STK32B: variants seen among roughly 807,000 people sequenced by gnomAD.
STK32B encodes serine/threonine-protein kinase 32B.
Under a neutral mutation model 52.6 loss-of-function variants are expected in STK32B, and 43 were observed. The observed-to-expected ratio is 0.82, with a 90% CI of 0.64 to 1.05. The LOEUF (loss-of-function observed/expected upper bound fraction) is 1.05, where lower values mean the gene tolerates loss of function less well. Ranked by LOEUF, STK32B falls within the 50% of genes least tolerant of loss-of-function variation. The pLI is 0.00. For missense variants in STK32B, 621 were observed against 534.6 expected (o/e 1.16, Z -1.59); for synonymous variants, 238 against 204.3 (o/e 1.17, Z -1.41).
At chr4:5,132,529 C>T (rs1226108076) in intron 1 of STK32B, among the ~76,000 whole-genome samples, 2 of 152,066 alleles carry the variant, frequency 1.3e-5, no homozygotes, top group Admixed American at 6.5e-5. Context: ...GAAGATGTGA[C>T]AACCAAAGCA....
chr4:5,318,318 C>G (rs1286666381), intron 3 of STK32B, among the ~76,000 whole-genome samples: 1 of 151,980 alleles, frequency 6.6e-6, no homozygotes, highest in Admixed American at 6.6e-5. Context: ...GAAGGCCTGC[C>G]TGGGGAGTTG....
intron 2 of STK32B, among the ~76,000 whole-genome samples, chr4:5,161,157 C>T (rs1718412127): frequency 6.6e-6 from 1 of 152,124 alleles, no homozygotes; most frequent in South Asian, 2.1e-4. Flanking sequence ...ATGGCACGCA[C>T]CTAATACATG....
intron 11 of STK32B, among the ~76,000 whole-genome samples, chr4:5,472,126 G>C (rs1360266907): frequency 6.6e-6 from 1 of 152,240 alleles, no homozygotes; most frequent in African/African-American, 2.4e-5. Context: ...CACTGTGTCA[G>C]CCCTGCAGGA....
At chr4:5,108,922 A>G (rs1164816160) in intron 1 of STK32B, among the ~76,000 whole-genome samples, 3 of 152,222 alleles carry the variant, frequency 2.0e-5, no homozygotes, top group Non-Finnish European at 2.9e-5. Flanking sequence ...TTAGTCTTGA[A>G]TAATGGAAAC....
At chr4:5,318,129 G>C (rs1731237157) in intron 3 of STK32B, among the ~76,000 whole-genome samples, 1 of 152,118 alleles carries the variant, frequency 6.6e-6, no homozygotes, top group Admixed American at 6.5e-5. Flanking sequence ...GCACGCTTGT[G>C]TGAATGCATG....
At chr4:5,375,456 TA>T (rs1253647187) in intron 4 of STK32B, among the ~76,000 whole-genome samples, 17 of 152,358 alleles carry the variant, frequency 1.1e-4, no homozygotes, top group African/African-American at 3.8e-4. Flanking sequence ...TGGGACTTTT[TA>T]CCCTGCTTTC....
intron 3 of STK32B, among the ~76,000 whole-genome samples, chr4:5,212,948 G>A (rs1722992377): frequency 6.6e-6 from 1 of 152,044 alleles, no homozygotes; most frequent in Non-Finnish European, 1.5e-5. Context: ...TGCGCTTTCT[G>A]GTTCTGTCTC....
chr4:5,293,702 G>A (rs974901158), intron 3 of STK32B, among the ~76,000 whole-genome samples: 4 of 151,954 alleles, frequency 2.6e-5, no homozygotes, highest in African/African-American at 9.7e-5. Flanking sequence ...TTTGTCAGAT[G>A]GATAGATTGC....
intron 3 of STK32B, among the ~76,000 whole-genome samples, chr4:5,300,238 A>C (rs981547440): frequency 9.2e-5 from 14 of 152,226 alleles, no homozygotes; most frequent in Admixed American, 3.9e-4. Context: ...ACATCCCTTC[A>C]TGATAAAAAC....
At chr4:5,436,567 C>T (rs2109100009) in intron 6 of STK32B, 1 of 985,272 alleles carries the variant, frequency 1.0e-6, no homozygotes, top group African/African-American at 1.7e-5. Context: ...GGTCCAGAGG[C>T]CCAGCTGGGA....
intron 3 of STK32B, among the ~76,000 whole-genome samples, chr4:5,256,942 A>T (rs553499789): frequency 6.6e-6 from 1 of 152,352 alleles, no homozygotes; most frequent in African/African-American, 2.4e-5. Context: ...CCAGTGAATG[A>T]GTAAGTGGAT....
At chr4:5,240,958 G>T (rs1430987271) in intron 3 of STK32B, among the ~76,000 whole-genome samples, 1 of 152,114 alleles carries the variant, frequency 6.6e-6, no homozygotes, top group Non-Finnish European at 1.5e-5. Context: ...TAGCTTTACA[G>T]TAAATTGTAA....
chr4:5,190,716 C>A (rs1273401049), intron 3 of STK32B, among the ~76,000 whole-genome samples: 1 of 152,168 alleles, frequency 6.6e-6, no homozygotes, highest in Non-Finnish European at 1.5e-5. Flanking sequence ...ACAGGAAACG[C>A]TGAGACTGTG....
At chr4:5,444,086 CT>C (rs1715093161) in intron 6 of STK32B, among the ~76,000 whole-genome samples, 1 of 152,184 alleles carries the variant, frequency 6.6e-6, no homozygotes, top group Non-Finnish European at 1.5e-5. Flanking sequence ...GAGGTGGAGC[CT>C]ACAGAGGCAG....
At chr4:5,253,276 A>T (rs768747323) in intron 3 of STK32B, among the ~76,000 whole-genome samples, 2 of 152,104 alleles carry the variant, frequency 1.3e-5, no homozygotes, top group Non-Finnish European at 2.9e-5. Flanking sequence ...CTGGGCCTCC[A>T]ACTAGACAAT....
At chr4:5,179,239 A>T (rs920267541) in intron 3 of STK32B, among the ~76,000 whole-genome samples, 9 of 152,182 alleles carry the variant, frequency 5.9e-5, no homozygotes, top group Non-Finnish European at 8.8e-5. Context: ...GTGAGAACTC[A>T]CTCACTCACT....
chr4:5,160,137 G>A (rs1271048303), intron 2 of STK32B, among the ~76,000 whole-genome samples: 1 of 152,152 alleles, frequency 6.6e-6, no homozygotes, highest in Non-Finnish European at 1.5e-5. Flanking sequence ...CCATGGTGCA[G>A]CCCAGTTGAC....
At chr4:5,199,363 G>T (rs1289162933) in intron 3 of STK32B, among the ~76,000 whole-genome samples, 1 of 152,166 alleles carries the variant, frequency 6.6e-6, no homozygotes, top group Non-Finnish European at 1.5e-5. Flanking sequence ...TTAAGTGCTT[G>T]TCATTAGCAT....
chr4:5,432,825 C>T (rs1257117930), intron 6 of STK32B, among the ~76,000 whole-genome samples: 1 of 152,038 alleles, frequency 6.6e-6, no homozygotes, highest in Non-Finnish European at 1.5e-5. Flanking sequence ...ATTTATTGAG[C>T]ACTTACTATG....
Sources: gnomAD v4.1 joint callset for allele counts (sites outside exome capture counted in the v4.1 genomes callset) on GRCh38, gnomAD v4.1.1 for gene constraint, MANE v1.5 for transcripts, NCBI Gene and HGNC (gene_info 2026-07-23, HGNC 2026-07-21) for gene names.